CNTNAP4: variants seen among roughly 807,000 people sequenced by gnomAD.
CNTNAP4 encodes the protein contactin associated protein family member 4, also known as contactin-associated protein-like 4.
CNTNAP4 carries 98 observed loss-of-function variants against 148.4 expected under a neutral mutation model. The observed-to-expected ratio is 0.66, with a 90% CI of 0.56 to 0.78. The LOEUF (loss-of-function observed/expected upper bound fraction) is 0.78, where lower values mean the gene tolerates loss of function less well. Ranked by LOEUF, CNTNAP4 falls within the 30% of genes least tolerant of loss-of-function variation. CNTNAP4 has a pLI of 0.00. For synonymous variants in CNTNAP4, 730 were observed against 565.1 expected, an observed-to-expected ratio of 1.29 and a Z score of -4.14; for missense variants, 1,935 against 1,565.6, an observed-to-expected ratio of 1.24 and a Z score of -3.98.
intron 23 of CNTNAP4, 147 bp downstream of exon 23, chr16:76,554,054 T>A: frequency 1.9e-6 from 1 of 533,888 alleles, no homozygotes; most frequent in Non-Finnish European, 3.3e-6. Context: ...ATTTACTATT[T>A]GTACTGGATT....
At chr16:76,417,982 C>G (rs567284775) in intron 3 of CNTNAP4, among the ~76,000 whole-genome samples, 2 of 151,768 alleles carry the variant, frequency 1.3e-5, no homozygotes, top group African/African-American at 4.8e-5. Context: ...CTTTCTTTCT[C>G]TATCAGTAAT....
At chr16:76,347,322 T>G (rs1359515095) in intron 2 of CNTNAP4, among the ~76,000 whole-genome samples, 1 of 152,210 alleles carries the variant, frequency 6.6e-6, no homozygotes, top group Admixed American at 6.5e-5. Flanking sequence ...ACTACAATTT[T>G]ATTTCAATCT....
chr16:76,456,502 G>T (rs1470993112), intron 8 of CNTNAP4, among the ~76,000 whole-genome samples: 1 of 152,176 alleles, frequency 6.6e-6, no homozygotes, highest in African/African-American at 2.4e-5. Flanking sequence ...CAATAGCCTT[G>T]CTTCTGTCTG....
chr16:76,530,677 A>G (rs1378625026), intron 17 of CNTNAP4, among the ~76,000 whole-genome samples: 1 of 152,212 alleles, frequency 6.6e-6, no homozygotes. Context: ...TCTTCCCATG[A>G]CACTGTCACT....
intron 4 of CNTNAP4, among the ~76,000 whole-genome samples, chr16:76,427,862 A>G (rs1009512577): frequency 1.5e-4 from 23 of 152,280 alleles, no homozygotes; most frequent in African/African-American, 5.5e-4. Flanking sequence ...ATTTCTTCAA[A>G]TAGAATATTA....
chr16:76,412,808 C>G (rs575205853), intron 3 of CNTNAP4, among the ~76,000 whole-genome samples: 1 of 151,404 alleles, frequency 6.6e-6, no homozygotes, highest in African/African-American at 2.4e-5. Context: ...TTAATGTATT[C>G]TGACATCAGT....
chr16:76,425,819 G>C (rs916528324), intron 3 of CNTNAP4, among the ~76,000 whole-genome samples: 3 of 152,186 alleles, frequency 2.0e-5, no homozygotes, highest in African/African-American at 7.2e-5. Flanking sequence ...GGTTGCTAAA[G>C]ACTGTGTTTG....
In CNTNAP4 at chr16:76,355,650, G is replaced by A; in HGVS notation, c.390+139G>A. ...GAAAACATTTTCCAAGAGAAAATATGGTAAATAATCATTTTCCAATACATT... is the reference window on the plus strand; with the variant it reads ...GAAAACATTTTCCAAGAGAAAATATAGTAAATAATCATTTTCCAATACATT... On this transcript the variant is annotated intron_variant, in intron 3 of 23. Transcript: ENST00000611870. The A allele has an allele frequency of 1.3e-5, 7 of 536,902 alleles. No homozygotes were observed. The South Asian group carries it at 2.2e-4, about 17-fold the overall frequency. The allele number at this position is 536,902 out of a possible 1,614,324, so 33.3% of individuals were successfully genotyped here.
At chr16:76,376,341 C>T (rs2015410338) in intron 3 of CNTNAP4, among the ~76,000 whole-genome samples, 1 of 152,008 alleles carries the variant, frequency 6.6e-6, no homozygotes, top group Admixed American at 6.6e-5. Context: ...AATACTACCC[C>T]AAGAGAAAGG....
Position 76,489,848 on chromosome 16 carries a change from A to G in CNTNAP4, c.2045A>G (p.Tyr682Cys), listed in dbSNP as rs757091038. The change falls in exon 13 of 24, where the codon TAT (tyrosine) becomes TGT (cysteine). Residue 682 changes from tyrosine to cysteine, a missense_variant. Physicochemically the swap from Tyr to Cys is radical, Grantham distance 194 (BLOSUM62 -2). Transcript: ENST00000611870. Reference sequence around the variant, plus strand: ...GAGCACTGTGAACAGGAGTTTACTTATTACTGCAAGAAGTCACGGCTGGTC... The same window carrying G: ...GAGCACTGTGAACAGGAGTTTACTTGTTACTGCAAGAAGTCACGGCTGGTC... ...RAEHCEQEFT[Y>C]YCKKSRLVNK... The G allele has an allele frequency of 6.3e-6, 10 of 1,583,578 alleles. No homozygotes were observed. The highest frequency in any genetic ancestry group is 8.6e-6 in the Non-Finnish European group (10 of 1,160,314).
Position 76,302,740 on chromosome 16 carries a change from G to C in CNTNAP4, c.86-13673G>C, listed in dbSNP as rs141031827. Among the ~76,000 whole-genome samples, 8 of 152,206 alleles carry C rather than the reference G, an allele frequency of 5.3e-5. No homozygotes were observed. In the East Asian group the frequency reaches 1.5e-3, roughly 29 times the overall value. Reference sequence around the variant, plus strand: ...ATATTCACAAATTCTGCCTGCACTCGAGGGGAGGGGATTATCCTAGGCCTA... The same window carrying C: ...ATATTCACAAATTCTGCCTGCACTCCAGGGGAGGGGATTATCCTAGGCCTA... On this transcript the variant is annotated intron_variant, in intron 1 of 23. Coordinates refer to ENST00000611870, the MANE Select transcript of CNTNAP4 (RefSeq NM_033401.5).
intron 4 of CNTNAP4, among the ~76,000 whole-genome samples, chr16:76,443,676 A>G (rs551337232): frequency 4.6e-5 from 7 of 152,298 alleles, no homozygotes; most frequent in African/African-American, 1.4e-4. Context: ...TTTATTTTGG[A>G]TGCTTAATTT....
At chr16:76,450,067 A>G (rs145939227) in intron 7 of CNTNAP4, among the ~76,000 whole-genome samples, 2,244 of 152,268 alleles carry the variant, frequency 0.015, 22 homozygotes, top group East Asian at 0.028. Context: ...TTTTTATATG[A>G]AGTAAAGCAG....
intron 7 of CNTNAP4, among the ~76,000 whole-genome samples, chr16:76,451,257 A>T (rs1048898371): frequency 6.6e-6 from 1 of 152,242 alleles, no homozygotes; most frequent in Non-Finnish European, 1.5e-5. Flanking sequence ...ACTATCAAGT[A>T]TCACCCAAGC....
At chr16:76,381,546 C>T (rs1480592280) in intron 3 of CNTNAP4, among the ~76,000 whole-genome samples, 1 of 152,114 alleles carries the variant, frequency 6.6e-6, no homozygotes, top group African/African-American at 2.4e-5. Context: ...AGGTGATCGT[C>T]AATTTCATCT....
intron 12 of CNTNAP4, among the ~76,000 whole-genome samples, chr16:76,483,745 A>G (rs946895495): frequency 1.3e-5 from 2 of 152,168 alleles, no homozygotes; most frequent in Admixed American, 6.5e-5. Flanking sequence ...AAACAGGAAA[A>G]CAATGTTTCC....
chr16:76,521,976 T>G, intron 16 of CNTNAP4, 63 bp from the exon 17 acceptor site: 1 of 1,422,892 alleles, frequency 7.0e-7, no homozygotes, highest in Non-Finnish European at 9.9e-7. Flanking sequence ...CCTAAGTATA[T>G]TGGAGACTCG....
At chr16:76,322,008 C>T (rs1962473137) in intron 2 of CNTNAP4, among the ~76,000 whole-genome samples, 1 of 152,102 alleles carries the variant, frequency 6.6e-6, no homozygotes, top group African/African-American at 2.4e-5. Flanking sequence ...GGCAGGTGAA[C>T]TTCACTGACT....
chr16:76,298,275 A>G (rs1209986906), intron 1 of CNTNAP4, among the ~76,000 whole-genome samples: 1 of 152,214 alleles, frequency 6.6e-6, no homozygotes, highest in Non-Finnish European at 1.5e-5. Flanking sequence ...ACCTGAATAG[A>G]ACTGTGTGTT....
Sources: allele counts gnomAD v4.1 joint callset (sites outside exome capture counted in the v4.1 genomes callset), GRCh38; gene constraint gnomAD v4.1.1; transcripts MANE v1.5; gene names NCBI Gene and HGNC (gene_info 2026-07-23, HGNC 2026-07-21).